Variants in GRAMD2A observed in about 807,000 individuals in gnomAD.
GRAMD2A encodes the protein GRAM domain containing 2A.
GRAMD2A carries 37 observed loss-of-function variants against 51.1 expected under a neutral mutation model. That is an observed-to-expected ratio of 0.72 (90% confidence interval 0.56 to 0.95). The LOEUF (loss-of-function observed/expected upper bound fraction) is 0.95, where lower values mean the gene tolerates loss of function less well. Ranked by LOEUF, GRAMD2A falls within the 40% of genes least tolerant of loss-of-function variation. The pLI, the probability that GRAMD2A is intolerant of heterozygous loss-of-function variation, is 0.00. For missense variants in GRAMD2A, 414 were observed against 426.9 expected (o/e 0.97, Z 0.27); for synonymous variants, 136 against 157.1 (o/e 0.87, Z 1.01).
intron 1 of GRAMD2A, among the ~76,000 whole-genome samples, chr15:72,187,309 T>C (rs1662956532): frequency 6.6e-6 from 1 of 151,952 alleles, no homozygotes; most frequent in Non-Finnish European, 1.5e-5. Flanking sequence ...ACTGTTTTGT[T>C]TGAACTTATA....
At position 72,167,720 on chromosome 15, in the gene GRAMD2A, C is replaced by T. The variant is rs201907402; in HGVS notation, c.372+16G>A. 133 of 1,589,212 alleles carry T rather than the reference C, an allele frequency of 8.4e-5. No homozygotes were observed. In the East Asian group the frequency reaches 2.4e-3, roughly 28 times the overall value. On this transcript the variant is annotated intron_variant, in intron 5 of 11. Coordinates refer to ENST00000309731, the MANE Select transcript of GRAMD2A (RefSeq NM_001012642.3). ...CCCCTCACAGGGTCATGGCAGCCCTCACCACTCATTACTACCTTGATATCC... is the reference window on the plus strand; with the variant it reads ...CCCCTCACAGGGTCATGGCAGCCCTTACCACTCATTACTACCTTGATATCC...
intron 10 of GRAMD2A, chr15:72,162,978 C>T (rs563067631): frequency 5.5e-6 from 2 of 361,622 alleles, no homozygotes; most frequent in Admixed American, 4.2e-5. Flanking sequence ...TTTCCTGGCC[C>T]TCCTTCTCCC....
intron 1 of GRAMD2A, among the ~76,000 whole-genome samples, chr15:72,175,177 C>A (rs1346252450): frequency 6.6e-6 from 1 of 152,152 alleles, no homozygotes; most frequent in East Asian, 1.9e-4. Context: ...TCAGGTCCCC[C>A]CCAAGATAAC....
chr15:72,162,082 A>G (rs1022939209), intron 11 of GRAMD2A, 70 bp from the exon 12 acceptor site: 2 of 1,587,352 alleles, frequency 1.3e-6, no homozygotes, highest in Non-Finnish European at 1.7e-6. Flanking sequence ...CAGAAGGGCC[A>G]GTGATAACTT....
chr15:72,183,008 C>T (rs1224467369), intron 1 of GRAMD2A, among the ~76,000 whole-genome samples: 1 of 152,028 alleles, frequency 6.6e-6, no homozygotes, highest in Non-Finnish European at 1.5e-5. Context: ...GAGTAGCTGG[C>T]ACTACAAGCA....
chr15:72,164,411 A>ATT (rs57619595), intron 8 of GRAMD2A, among the ~76,000 whole-genome samples: 2,638 of 143,610 alleles, frequency 0.018, 49 homozygotes, highest in Middle Eastern at 0.028. Context: ...GACATCTTTT[A>ATT]TTTTTTTTTT....
At chr15:72,163,015 C>G (rs961673151) in intron 10 of GRAMD2A, 20 of 465,172 alleles carry the variant, frequency 4.3e-5, no homozygotes, top group Non-Finnish European at 7.3e-5. Context: ...CTCAACATCT[C>G]CATATCCTGC....
chr15:72,168,575 A>T lies in GRAMD2A; in HGVS notation c.193-9T>A. On this transcript the variant is annotated splice_polypyrimidine_tract_variant and intron_variant, in intron 3 of 11. Coordinates refer to ENST00000309731, the MANE Select transcript of GRAMD2A (RefSeq NM_001012642.3). ...TATTTATTCAGTGTTATCTGCAAAC[A>T]CACAGGCTGCGTCTGAGAAGCGCTG... is the stretch of plus-strand genomic sequence containing the variant. 6.2e-7 allele frequency: 1 copy of T among 1,612,196 alleles called. No individual in the cohort carries two copies. Among genetic ancestry groups the T allele is most frequent in the Non-Finnish European group, 8.5e-7 (1 of 1,178,440 alleles).
At chr15:72,185,528 A>G (rs747839199) in intron 1 of GRAMD2A, among the ~76,000 whole-genome samples, 29 of 152,336 alleles carry the variant, frequency 1.9e-4, no homozygotes, top group Non-Finnish European at 3.5e-4. Context: ...ATTTACCCCA[A>G]ATTAATTTGT....
At position 72,197,765 on chromosome 15, in the gene GRAMD2A, C is replaced by T. The variant is rs1283079038; in HGVS notation, c.7G>A (p.Ala3Thr). The T allele has an allele frequency of 5.3e-6, 7 of 1,318,918 alleles. No homozygotes were observed. In the South Asian group the frequency reaches 7.5e-5, roughly 14 times the overall value. The allele number at this position is 1,318,918 out of a possible 1,614,324, so 81.7% of individuals were successfully genotyped here. A position where few individuals can be genotyped will look rare whatever the true frequency, so the allele number is the denominator to read the frequency against. Residue 3 changes from alanine (A) to threonine (T), a missense_variant, in exon 1 of 12, where the codon GCT becomes ACT. By Grantham distance (58) the Ala-to-Thr change is moderately conservative (BLOSUM62 0). Coordinates refer to ENST00000309731, the MANE Select transcript of GRAMD2A (RefSeq NM_001012642.3). Reference protein sequence around the residue: MTALSRSEATEEG... With the variant: MTTLSRSEATEEG... ...TCGGTGGCCTCGCTCCGGCTTAAAG[C>T]GGTCATCCCGGCGCCTGCACCCAGC... is the stretch of plus-strand genomic sequence containing the variant.
intron 1 of GRAMD2A, among the ~76,000 whole-genome samples, chr15:72,193,539 T>TC (rs1200837551): frequency 8.2e-5 from 12 of 147,158 alleles, no homozygotes; most frequent in African/African-American, 3.0e-4. Context: ...TTTTTTTTTT[T>TC]CGAGACGCAG....
intron 1 of GRAMD2A, among the ~76,000 whole-genome samples, chr15:72,183,880 T>C (rs562718013): frequency 1.3e-5 from 2 of 152,312 alleles, no homozygotes; most frequent in South Asian, 4.1e-4. Flanking sequence ...TAGTGGGGTC[T>C]GCTCCTCCTC....
At chr15:72,167,952 CA>C (rs1481198932) in intron 4 of GRAMD2A, 113 bp from the exon 5 acceptor site, 7 of 733,518 alleles carry the variant, frequency 9.5e-6, no homozygotes, top group African/African-American at 1.7e-5. Flanking sequence ...CTGTCTTCCT[CA>C]GACTCCCCCT....
chr15:72,190,655 A>G (rs2081761989), intron 1 of GRAMD2A, among the ~76,000 whole-genome samples: 1 of 152,158 alleles, frequency 6.6e-6, no homozygotes, highest in South Asian at 2.1e-4. Context: ...CAGATTGACA[A>G]TCTAATGTAA....
At chr15:72,193,647 C>T (rs895186874) in intron 1 of GRAMD2A, among the ~76,000 whole-genome samples, 3 of 152,128 alleles carry the variant, frequency 2.0e-5, no homozygotes, top group Admixed American at 1.3e-4. Context: ...CACAGCCTCC[C>T]GAGTAGCTGG....
rs1456579845 is a variant in GRAMD2A, at chr15:72,180,786, G to A, written c.42-10847C>T. 2.6e-5 allele frequency among the ~76,000 whole-genome samples: 4 copies of A among 152,154 alleles called. No individual in the cohort carries two copies. In the East Asian group the frequency reaches 7.7e-4, roughly 29 times the overall value. On this transcript the variant is annotated intron_variant, in intron 1 of 11. Transcript: ENST00000309731. ...TTGAGTAAGCCACTCTTCCTTTCTG[G>A]GCCTCAGTGACTCCTCTGCAAAGGG...
intron 1 of GRAMD2A, among the ~76,000 whole-genome samples, chr15:72,190,547 T>C (rs1418253954): frequency 6.6e-6 from 1 of 152,242 alleles, no homozygotes; most frequent in African/African-American, 2.4e-5. Context: ...TCTTGTGTCT[T>C]CTTATATTGC....
chr15:72,195,868 C>T (rs762106648), intron 1 of GRAMD2A, among the ~76,000 whole-genome samples: 3 of 151,944 alleles, frequency 2.0e-5, no homozygotes, highest in Non-Finnish European at 2.9e-5. Context: ...TGCAGTGAGC[C>T]GAGATCACGC....
chr15:72,193,507 C>T (rs761579527), intron 1 of GRAMD2A, among the ~76,000 whole-genome samples: 1 of 151,624 alleles, frequency 6.6e-6, no homozygotes. Flanking sequence ...CGTGAGCCAC[C>T]ACACCCGGCT....
Sources: allele counts gnomAD v4.1 joint callset (sites outside exome capture counted in the v4.1 genomes callset), GRCh38; gene constraint gnomAD v4.1.1; transcripts MANE v1.5; gene names NCBI Gene and HGNC (gene_info 2026-07-23, HGNC 2026-07-21).